Variants in PRKN observed in about 807,000 individuals in gnomAD.
PRKN encodes E3 ubiquitin-protein ligase parkin.
PRKN carries 56 observed loss-of-function variants against 59.5 expected under a neutral mutation model. The ratio of observed to expected loss-of-function variants is 0.94; its 90% CI spans 0.76 to 1.18. The LOEUF is 1.18. PRKN is among the 50% of genes most tolerant of loss of function. The pLI is 0.00. For missense variants in PRKN, 657 were observed against 596.4 expected, an observed-to-expected ratio of 1.10 and a Z score of -1.06; for synonymous variants, 250 against 222.1, an observed-to-expected ratio of 1.13 and a Z score of -1.12.
chr6:161,631,203 A>G lies in PRKN; in HGVS notation c.872-61787T>C, dbSNP rs560156821. On this transcript the variant is annotated intron_variant, in intron 7 of 11. Coordinates refer to ENST00000366898, the MANE Select transcript of PRKN (RefSeq NM_004562.3). ...GCCATGCATGAGCTAGTGCTTACTG[A>G]AAGCCTTCAACATTGTGGGATTCCA... Among the ~76,000 whole-genome samples, 223 of 152,344 alleles carry G rather than the reference A, an allele frequency of 1.5e-3. 1 individual carries two copies. The highest frequency in any genetic ancestry group is 3.4e-3 in the Middle Eastern group (1 of 294).
chr6:162,003,226 AAT>A (rs1389579603), intron 5 of PRKN, among the ~76,000 whole-genome samples: 8 of 138,272 alleles, frequency 5.8e-5, no homozygotes, highest in East Asian at 2.2e-4. Context: ...AAAAAAAAAA[AAT>A]TTGGACATGT....
intron 1 of PRKN, among the ~76,000 whole-genome samples, chr6:162,610,172 C>A (rs1782088827): frequency 6.6e-6 from 1 of 152,264 alleles, no homozygotes. Context: ...TTCACAACAA[C>A]CCTGTGTGCT....
intron 6 of PRKN, among the ~76,000 whole-genome samples, chr6:161,891,096 T>TA (rs1378815735): frequency 6.6e-6 from 1 of 152,192 alleles, no homozygotes; most frequent in African/African-American, 2.4e-5. Context: ...GGCATTCTTT[T>TA]AAAAGCCTTT....
At chr6:161,662,134 G>A (rs999406911) in intron 7 of PRKN, among the ~76,000 whole-genome samples, 5 of 152,174 alleles carry the variant, frequency 3.3e-5, no homozygotes, top group East Asian at 1.9e-4. Context: ...AGTTCGTAAC[G>A]TGAATGTTGG....
intron 2 of PRKN, among the ~76,000 whole-genome samples, chr6:162,384,137 C>A (rs1026219324): frequency 6.6e-6 from 1 of 152,318 alleles, no homozygotes; most frequent in Non-Finnish European, 1.5e-5. Context: ...TGGAGTAGCA[C>A]TTCCCTCAAG....
At chr6:162,253,080 A>G (rs1377691629) in intron 3 of PRKN, among the ~76,000 whole-genome samples, 1 of 152,234 alleles carries the variant, frequency 6.6e-6, no homozygotes. Flanking sequence ...TGTTGTCTAC[A>G]GTAACCTGGT....
intron 1 of PRKN, among the ~76,000 whole-genome samples, chr6:162,544,472 CTTTA>C: frequency 6.6e-6 from 1 of 152,122 alleles, no homozygotes; most frequent in Middle Eastern, 3.4e-3. Flanking sequence ...ACTAGAAAAG[CTTTA>C]TTTGACGTTG....
At chr6:161,567,398 A>G (rs1338349541) in intron 8 of PRKN, among the ~76,000 whole-genome samples, 1 of 152,132 alleles carries the variant, frequency 6.6e-6, no homozygotes, top group Non-Finnish European at 1.5e-5. Flanking sequence ...GCCATCTAAC[A>G]TAATATACAC....
At chr6:162,632,538 C>A (rs969105891) in intron 1 of PRKN, among the ~76,000 whole-genome samples, 2 of 152,072 alleles carry the variant, frequency 1.3e-5, no homozygotes, top group African/African-American at 4.8e-5. Flanking sequence ...AACTACCTAT[C>A]GGCTACTATG....
intron 9 of PRKN, among the ~76,000 whole-genome samples, chr6:161,536,485 G>A (rs1028913364): frequency 3.9e-5 from 6 of 151,962 alleles, no homozygotes; most frequent in African/African-American, 1.2e-4. Context: ...GAGGGAAACC[G>A]ACATTTTAGT....
chr6:162,667,634 G>A (rs796203117), intron 1 of PRKN, among the ~76,000 whole-genome samples: 16 of 151,974 alleles, frequency 1.1e-4, no homozygotes, highest in African/African-American at 2.4e-4. Flanking sequence ...AATATCTATC[G>A]CAAACATAGA....
intron 4 of PRKN, among the ~76,000 whole-genome samples, chr6:162,142,827 C>T (rs1342608856): frequency 1.3e-5 from 2 of 152,156 alleles, no homozygotes; most frequent in African/African-American, 2.4e-5. Flanking sequence ...ATCATCTCTA[C>T]TACAAAGATG....
intron 7 of PRKN, among the ~76,000 whole-genome samples, chr6:161,605,145 A>G (rs544755879): frequency 6.6e-6 from 1 of 152,276 alleles, no homozygotes; most frequent in East Asian, 1.9e-4. Flanking sequence ...TTCTCACAGT[A>G]TTTCTGTGAT....
chr6:161,973,888 G>A (rs1780922397), intron 5 of PRKN, among the ~76,000 whole-genome samples: 2 of 152,158 alleles, frequency 1.3e-5, no homozygotes, highest in African/African-American at 4.8e-5. Context: ...ATCACTACAT[G>A]GTTAGTCATT....
At chr6:162,140,038 T>C (rs1480867625) in intron 4 of PRKN, among the ~76,000 whole-genome samples, 1 of 152,224 alleles carries the variant, frequency 6.6e-6, no homozygotes, top group African/African-American at 2.4e-5. Context: ...GCATGTGAGA[T>C]AAAGTTGGGT....
chr6:162,488,034 T>C (rs112576347), intron 1 of PRKN, among the ~76,000 whole-genome samples: 1 of 94,542 alleles, frequency 1.1e-5, no homozygotes, highest in Non-Finnish European at 2.4e-5. Flanking sequence ...TCCCTTTTTT[T>C]TTTTTTTTTT....
intron 4 of PRKN, among the ~76,000 whole-genome samples, chr6:162,113,132 A>T (rs9347590): frequency 0.4 from 60,109 of 152,044 alleles, 12,494 homozygotes; most frequent in African/African-American, 0.52. Flanking sequence ...AAGGATGAGA[A>T]GAAGCTGTGC....
chr6:161,763,868 C>T (rs897705029), intron 7 of PRKN, among the ~76,000 whole-genome samples: 4 of 152,120 alleles, frequency 2.6e-5, no homozygotes, highest in African/African-American at 9.7e-5. Flanking sequence ...TTCCTCCACA[C>T]GAGGCCCATC....
At chr6:161,599,874 G>A (rs557891093) in intron 7 of PRKN, among the ~76,000 whole-genome samples, 6 of 152,148 alleles carry the variant, frequency 3.9e-5, no homozygotes, top group African/African-American at 1.4e-4. Flanking sequence ...ATGTTGATGG[G>A]TGAGGAATGT....
Sources: gnomAD v4.1 joint callset for allele counts (sites outside exome capture counted in the v4.1 genomes callset) on GRCh38, gnomAD v4.1.1 for gene constraint, MANE v1.5 for transcripts, NCBI Gene and HGNC (gene_info 2026-07-23, HGNC 2026-07-21) for gene names.